Variants in MON2 observed in about 807,000 individuals in gnomAD.
MON2 encodes the protein protein MON2 homolog.
A neutral mutation model predicts 208.6 loss-of-function variants in MON2; 84 were observed. The observed-to-expected ratio is 0.40, with a 90% confidence interval of 0.34 to 0.48. The LOEUF is 0.48. Ranked by LOEUF, MON2 falls within the 20% of genes least tolerant of loss-of-function variation. MON2 has a pLI of 0.59. For synonymous variants in MON2, 660 were observed against 694.0 expected, an observed-to-expected ratio of 0.95 and a Z score of 0.77; for missense variants, 1,611 against 2,015.4, an observed-to-expected ratio of 0.80 and a Z score of 3.84.
rs370583383 is a variant in MON2, at chr12:62,525,908, T to C, written c.1247-41T>C. ...CTATTACTGATTTGTAGTCAAGTAGTAAATTAGTGTCTTTTCTTTTTTTCC... is the reference window on the plus strand; with the variant it reads ...CTATTACTGATTTGTAGTCAAGTAGCAAATTAGTGTCTTTTCTTTTTTTCC... On this transcript the variant is annotated intron_variant, in intron 10 of 34. Coordinates refer to ENST00000393630, the MANE Select transcript of MON2 (RefSeq NM_015026.3). The C allele has an allele frequency of 7.5e-6, 12 of 1,590,696 alleles. No homozygotes were observed. The African/African-American group carries it at 1.4e-4, about 18-fold the overall frequency.
rs2075191677 is a variant in MON2 at position 62,585,481 on chromosome 12, T to G, written c.4887T>G (p.Ser1629Arg). The change falls in exon 33 of 35, where the codon AGT becomes AGG. Residue 1629 changes from serine (S) to arginine (R), a missense_variant. Coordinates refer to ENST00000393630, the MANE Select transcript of MON2 (RefSeq NM_015026.3). Reference sequence around the variant, plus strand: ...GCTATATAGAGGATGAAAGATTAAGTGGTAAATGCCCTCTTCCAAGGTATA... The same window carrying G: ...GCTATATAGAGGATGAAAGATTAAGGGGTAAATGCCCTCTTCCAAGGTATA... Reference protein sequence around the residue: ...LHRYIEDERLSGKCPLPRQQV... With the variant: ...LHRYIEDERLRGKCPLPRQQV... 1 of 1,607,714 alleles carries G rather than the reference T, an allele frequency of 6.2e-7. No homozygotes were observed.
chr12:62,584,836 G>A (rs977712726), intron 32 of MON2, among the ~76,000 whole-genome samples: 2 of 151,812 alleles, frequency 1.3e-5, no homozygotes, highest in African/African-American at 4.8e-5. Flanking sequence ...GAGAGCAACT[G>A]CCGGACTGGA....
chr12:62,585,453 A>T lies in MON2; in HGVS notation c.4859A>T (p.His1620Leu), dbSNP rs545342956. ...TTAAAGAGGTCCCAAGATGTACTACATCGCTATATAGAGGATGAAAGATTA... is the reference window on the plus strand; with the variant it reads ...TTAAAGAGGTCCCAAGATGTACTACTTCGCTATATAGAGGATGAAAGATTA... ...VLLKRSQDVL[H>L]RYIEDERLSG... The change falls in exon 33 of 35, where the codon CAT (histidine) becomes CTT (leucine). Residue 1620 changes from histidine (H) to leucine (L), a missense_variant. By Grantham distance (99) the His-to-Leu change is moderately conservative. Coordinates refer to ENST00000393630, the MANE Select transcript of MON2 (RefSeq NM_015026.3). The T allele has an allele frequency of 1.9e-6, 3 of 1,613,612 alleles. No homozygotes were observed. The highest frequency in any genetic ancestry group is 2.5e-6 in the Non-Finnish European group (3 of 1,179,572).
At chr12:62,484,132 C>A in intron 1 of MON2, 38 bp from the exon 2 acceptor site, 1 of 1,386,602 alleles carries the variant, frequency 7.2e-7, no homozygotes, top group Non-Finnish European at 1.0e-6. Context: ...TTCATTTTGG[C>A]AGTAAATTTT....
intron 8 of MON2, among the ~76,000 whole-genome samples, chr12:62,522,433 A>G (rs755385705): frequency 6.6e-6 from 1 of 152,216 alleles, no homozygotes; most frequent in Non-Finnish European, 1.5e-5. Flanking sequence ...CTGCCAAGTC[A>G]ACTCTTACAT....
chr12:62,551,705 A>C (rs557698104), intron 23 of MON2, among the ~76,000 whole-genome samples: 1 of 152,360 alleles, frequency 6.6e-6, no homozygotes, highest in East Asian at 1.9e-4. Flanking sequence ...GAAGTGCAAT[A>C]AAACAAGGCA....
intron 4 of MON2, among the ~76,000 whole-genome samples, chr12:62,498,325 G>C (rs77875962): frequency 0.11 from 17,468 of 152,128 alleles, 1,152 homozygotes; most frequent in East Asian, 0.27. Context: ...TTTGCCTGGG[G>C]CCACGGGTAG....
intron 34 of MON2, among the ~76,000 whole-genome samples, chr12:62,588,542 T>C (rs753881427): frequency 4.6e-5 from 7 of 152,208 alleles, no homozygotes; most frequent in Non-Finnish European, 8.8e-5. Flanking sequence ...TAAATAACTT[T>C]GAATCATTTT....
intron 26 of MON2, among the ~76,000 whole-genome samples, chr12:62,563,716 T>C (rs1242814821): frequency 6.6e-6 from 1 of 152,140 alleles, no homozygotes; most frequent in Non-Finnish European, 1.5e-5. Flanking sequence ...ACTATTAGTA[T>C]GTTTTCTTAT....
At chr12:62,474,692 AG>A (rs1164825102) in intron 1 of MON2, among the ~76,000 whole-genome samples, 1 of 152,008 alleles carries the variant, frequency 6.6e-6, no homozygotes, top group Admixed American at 6.6e-5. Context: ...TCAAAGTGCT[AG>A]GATTACAGGT....
In MON2 at chr12:62,594,288, C is replaced by T. The variant is rs2075474509; in HGVS notation, c.*1539C>T. 6.6e-6 allele frequency: 1 copy of T among 152,054 alleles called. No individual in the cohort carries two copies. The highest frequency in any genetic ancestry group is 1.9e-4 in the East Asian group (1 of 5,206). The allele number at this position is 152,054 out of a possible 1,614,324, so 9.4% of individuals were successfully genotyped here. A position where few individuals can be genotyped will look rare whatever the true frequency, so the allele number is the denominator to read the frequency against. ...TTATAATTGAGTCATGATTGAGATA[C>T]AGTTTTGAGGCTATTATAATTGTAT... On this transcript the variant is annotated 3_prime_UTR_variant, in exon 35 of 35. Transcript: ENST00000393630.
intron 23 of MON2, among the ~76,000 whole-genome samples, chr12:62,550,444 C>T (rs995731296): frequency 6.6e-6 from 1 of 152,070 alleles, no homozygotes; most frequent in Non-Finnish European, 1.5e-5. Flanking sequence ...ATTGCTTGAG[C>T]CCAGGAATTG....
In MON2 at chr12:62,575,026, T is replaced by A. The variant is rs907295378; in HGVS notation, c.4515-3419T>A. ...CTGTAGTCCCAGCTACTTGGGATGC[T>A]GAGGTGGGATGATCACTTGAGCCCA... On this transcript the variant is annotated intron_variant, in intron 30 of 34. Transcript: ENST00000393630. Among the ~76,000 whole-genome samples the A allele has an allele frequency of 4.6e-5, 7 of 152,220 alleles. No homozygotes were observed. In the South Asian group the frequency reaches 1.5e-3, roughly 32 times the overall value.
At position 62,483,040 on chromosome 12, in the gene MON2, A is replaced by C. The variant is rs1311004800; in HGVS notation, c.112-1130A>C. On this transcript the variant is annotated intron_variant, in intron 1 of 34. Transcript: ENST00000393630. Reference sequence around the variant, plus strand: ...TACAGCAAGATCCTGTCTCTAAAAAAAAGGGGAAAAAAAGTAAAAAGAAAC... The same window carrying C: ...TACAGCAAGATCCTGTCTCTAAAAACAAGGGGAAAAAAAGTAAAAAGAAAC... 2.6e-5 allele frequency: 4 copies of C among 152,202 alleles called. No individual in the cohort carries two copies. The East Asian group carries it at 7.7e-4, about 29-fold the overall frequency. 9.4% of individuals were successfully genotyped at this position (152,202 alleles called of 1,614,324 possible). A position where few individuals can be genotyped will look rare whatever the true frequency, so the allele number is the denominator to read the frequency against.
chr12:62,526,279 C>CT (rs1167369637), intron 11 of MON2, among the ~76,000 whole-genome samples, 177 bp downstream of exon 11: 1 of 151,802 alleles, frequency 6.6e-6, no homozygotes, highest in Non-Finnish European at 1.5e-5. Flanking sequence ...TATTTGTTTT[C>CT]TTTTGTGCTG....
intron 9 of MON2, 63 bp from the exon 10 acceptor site, chr12:62,525,021 A>G (rs528648352): frequency 7.3e-7 from 1 of 1,375,830 alleles, no homozygotes; most frequent in African/African-American, 1.4e-5. Flanking sequence ...TTGCTATAAA[A>G]AGGTTTACAG....
intron 2 of MON2, among the ~76,000 whole-genome samples, chr12:62,492,169 C>T (rs1206723659): frequency 6.6e-6 from 1 of 152,102 alleles, no homozygotes; most frequent in Non-Finnish European, 1.5e-5. Context: ...CTTAATTTAC[C>T]ATACCATAAA....
At chr12:62,532,286 C>T (rs867142604) in intron 11 of MON2, 152 bp from the exon 12 acceptor site, 47 of 630,534 alleles carry the variant, frequency 7.5e-5, no homozygotes, top group Middle Eastern at 4.3e-4. Flanking sequence ...GAAGAGATCT[C>T]TTCCCTAAAT....
chr12:62,529,465 T>G (rs1235062453), intron 11 of MON2, among the ~76,000 whole-genome samples: 5 of 152,306 alleles, frequency 3.3e-5, no homozygotes, highest in Admixed American at 3.3e-4. Flanking sequence ...TCTTTATTAA[T>G]TACCTACCTT....
Sources: gnomAD v4.1 joint callset for allele counts (sites outside exome capture counted in the v4.1 genomes callset) on GRCh38, gnomAD v4.1.1 for gene constraint, MANE v1.5 for transcripts, NCBI Gene and HGNC (gene_info 2026-07-23, HGNC 2026-07-21) for gene names.